Variants in ZNF536 observed in about 807,000 individuals in gnomAD.
ZNF536 encodes the protein zinc finger protein 536.
A neutral mutation model predicts 84.5 loss-of-function variants in ZNF536; 13 were observed. The observed-to-expected ratio is 0.15, with a 90% CI of 0.10 to 0.24. The LOEUF is 0.24. Among genes scored for constraint, ZNF536 ranks in the 10% least tolerant of loss-of-function variants. The pLI, the probability that ZNF536 is intolerant of heterozygous loss-of-function variation, is 1.00. For synonymous variants in ZNF536, 811 were observed against 742.5 expected (o/e 1.09, Z -1.50); for missense variants, 1,536 against 1,747.5 (o/e 0.88, Z 2.16).
At chr19:30,671,836 T>TTGGCAAGATCCC in intron 1 of ZNF536, among the ~76,000 whole-genome samples, 2 of 152,220 alleles carry the variant, frequency 1.3e-5, no homozygotes, top group Non-Finnish European at 2.9e-5. Context: ...GCCAAGATCC[T>TTGGCAAGATCCC]TGCTTGGCAA....
At chr19:30,331,196 A>G (rs1196163169) in intron 2 of ZNF536, among the ~76,000 whole-genome samples, 1 of 137,252 alleles carries the variant, frequency 7.3e-6, no homozygotes, top group African/African-American at 2.7e-5. Context: ...AGGCAGGAGG[A>G]TTGCTTGAGC....
At chr19:30,668,012 C>T (rs1418198259) in intron 1 of ZNF536, among the ~76,000 whole-genome samples, 1 of 152,080 alleles carries the variant, frequency 6.6e-6, no homozygotes, top group Non-Finnish European at 1.5e-5. Context: ...GGGCACTATC[C>T]TTTCAAGGAA....
At chr19:30,407,890 C>G (rs917491271) in intron 1 of ZNF536, among the ~76,000 whole-genome samples, 2 of 152,112 alleles carry the variant, frequency 1.3e-5, no homozygotes, top group Non-Finnish European at 2.9e-5. Flanking sequence ...TTCTTTTTCT[C>G]TCATTAGATC....
At chr19:30,556,981 A>C (rs1435138244) in intron 4 of ZNF536, 176 bp from the exon 5 acceptor site, 12 of 650,468 alleles carry the variant, frequency 1.8e-5, no homozygotes, top group Non-Finnish European at 3.0e-5. Flanking sequence ...AACCTGCCCT[A>C]ATCATGTTGA....
chr19:30,317,594 C>T (rs115859425), intron 2 of ZNF536, among the ~76,000 whole-genome samples: 3,164 of 152,306 alleles, frequency 0.021, 105 homozygotes, highest in African/African-American at 0.073. Context: ...CCAGCCCTCA[C>T]GGAGGTTGCT....
intron 1 of ZNF536, among the ~76,000 whole-genome samples, chr19:30,588,516 T>G (rs1406933999): frequency 6.6e-6 from 1 of 152,170 alleles, no homozygotes; most frequent in Non-Finnish European, 1.5e-5. Context: ...AGGGGACCAC[T>G]CACACAGGGA....
At chr19:30,535,723 TAA>T (rs368243442) in intron 3 of ZNF536, among the ~76,000 whole-genome samples, 1 of 147,084 alleles carries the variant, frequency 6.8e-6, no homozygotes. Flanking sequence ...ATTGCCAATA[TAA>T]AAAAAAAAAT....
intron 2 of ZNF536, among the ~76,000 whole-genome samples, chr19:30,317,551 G>C (rs10401313): frequency 0.38 from 57,583 of 152,136 alleles, 11,196 homozygotes; most frequent in Middle Eastern, 0.47. Context: ...AGGGGTCTGT[G>C]CTCCAGAAGG....
intron 3 of ZNF536, among the ~76,000 whole-genome samples, chr19:30,353,786 C>T (rs1047103787): frequency 1.3e-5 from 2 of 152,188 alleles, no homozygotes; most frequent in Admixed American, 1.3e-4. Context: ...GGAGGCAAAA[C>T]ACAGATGGAG....
At chr19:30,666,177 C>A (rs1481787130) in intron 1 of ZNF536, among the ~76,000 whole-genome samples, 1 of 152,216 alleles carries the variant, frequency 6.6e-6, no homozygotes, top group African/African-American at 2.4e-5. Flanking sequence ...CTGATCACGG[C>A]TCACCTGGTC....
intron 2 of ZNF536, among the ~76,000 whole-genome samples, chr19:30,494,945 C>CAAAAAA (rs1252256481): frequency 8.6e-5 from 6 of 69,938 alleles, no homozygotes; most frequent in African/African-American, 2.2e-4. Flanking sequence ...GACTCCGTCT[C>CAAAAAA]AAAAAAGAAA....
At chr19:30,274,248 T>C (rs1003193184) in intron 1 of ZNF536, among the ~76,000 whole-genome samples, 2 of 152,250 alleles carry the variant, frequency 1.3e-5, no homozygotes, top group African/African-American at 4.8e-5. Flanking sequence ...ATTTTTAGTA[T>C]GACCAAATTT....
intron 2 of ZNF536, among the ~76,000 whole-genome samples, chr19:30,331,141 A>C (rs1041969617): frequency 3.3e-5 from 5 of 151,574 alleles, no homozygotes; most frequent in Admixed American, 3.3e-4. Context: ...AAATTTAGCC[A>C]GGCATGGTGG....
intron 2 of ZNF536, among the ~76,000 whole-genome samples, chr19:30,320,334 T>C (rs1329964184): frequency 1.3e-5 from 2 of 152,262 alleles, no homozygotes; most frequent in African/African-American, 2.4e-5. Flanking sequence ...TAATGGCATG[T>C]CATTTTTAAA....
intron 1 of ZNF536, among the ~76,000 whole-genome samples, chr19:30,622,747 G>A (rs2048528583): frequency 6.6e-6 from 1 of 152,174 alleles, no homozygotes; most frequent in African/African-American, 2.4e-5. Flanking sequence ...AGACGGGGAG[G>A]TCAGATGTTT....
chr19:30,581,450 C>T (rs2046918159), intron 1 of ZNF536, among the ~76,000 whole-genome samples: 1 of 151,954 alleles, frequency 6.6e-6, no homozygotes, highest in African/African-American at 2.4e-5. Flanking sequence ...GCATTCCAGC[C>T]TAGGCAACAG....
At chr19:30,355,551 CTAATTTTTG>C (rs1465799433) in intron 3 of ZNF536, among the ~76,000 whole-genome samples, 1 of 152,008 alleles carries the variant, frequency 6.6e-6, no homozygotes, top group African/African-American at 2.4e-5. Context: ...CCGTGCCTCG[CTAATTTTTG>C]TATTTTTTTT....
chr19:30,384,021 C>T (rs1381119085), intron 1 of ZNF536, among the ~76,000 whole-genome samples: 4 of 133,346 alleles, frequency 3.0e-5, no homozygotes, highest in Non-Finnish European at 6.4e-5. Flanking sequence ...ACATACACCA[C>T]CTGCATGCCT....
chr19:30,396,811 G>A (rs1453243793), intron 1 of ZNF536, among the ~76,000 whole-genome samples: 1 of 152,206 alleles, frequency 6.6e-6, no homozygotes, highest in Non-Finnish European at 1.5e-5. Context: ...CACCATGCTG[G>A]CCAGGCTCGT....
Sources: gnomAD v4.1 joint callset for allele counts (sites outside exome capture counted in the v4.1 genomes callset) on GRCh38, gnomAD v4.1.1 for gene constraint, MANE v1.5 for transcripts, NCBI Gene and HGNC (gene_info 2026-07-23, HGNC 2026-07-21) for gene names.